LRP1B: variants seen among roughly 807,000 people sequenced by gnomAD.
LRP1B encodes the protein low-density lipoprotein receptor-related protein 1B.
A neutral mutation model predicts 556.6 loss-of-function variants in LRP1B; 217 were observed. The ratio of observed to expected loss-of-function variants is 0.39; its 90% confidence interval spans 0.35 to 0.44. The LOEUF (loss-of-function observed/expected upper bound fraction) is 0.44, where lower values mean the gene tolerates loss of function less well. Among genes scored for constraint, LRP1B ranks in the 20% least tolerant of loss-of-function variants. The pLI is 1.00. For missense variants in LRP1B, 5,053 were observed against 5,620.8 expected (o/e 0.90, Z 3.23); for synonymous variants, 2,047 against 1,865.8 (o/e 1.10, Z -2.50).
chr2:140,299,992 C>T (rs1301555203), intron 83 of LRP1B, among the ~76,000 whole-genome samples: 1 of 151,712 alleles, frequency 6.6e-6, no homozygotes, highest in Non-Finnish European at 1.5e-5. Flanking sequence ...TAAAATGATA[C>T]AAGTGTGAAA....
intron 2 of LRP1B, among the ~76,000 whole-genome samples, chr2:141,501,116 AATG>A (rs1683695512): frequency 6.6e-6 from 1 of 152,176 alleles, no homozygotes; most frequent in African/African-American, 2.4e-5. Context: ...GTTGAACAAT[AATG>A]ATAATTCACT....
At chr2:140,341,629 T>A in intron 77 of LRP1B, among the ~76,000 whole-genome samples, 1 of 151,416 alleles carries the variant, frequency 6.6e-6, no homozygotes, top group Admixed American at 6.6e-5. Flanking sequence ...GAAGGGAAGA[T>A]AAAAAGTTGC....
chr2:141,985,517 G>GC (rs1553497907), intron 1 of LRP1B, among the ~76,000 whole-genome samples: 3 of 99,252 alleles, frequency 3.0e-5, no homozygotes, highest in Admixed American at 2.9e-4. Context: ...TTATTTTTTT[G>GC]GGGGGGGTAT....
At chr2:141,377,341 A>G (rs2104879753) in intron 3 of LRP1B, among the ~76,000 whole-genome samples, 1 of 152,330 alleles carries the variant, frequency 6.6e-6, no homozygotes, top group Non-Finnish European at 1.5e-5. Context: ...AATACATAGT[A>G]ACTTCCAATG....
intron 41 of LRP1B, among the ~76,000 whole-genome samples, chr2:140,610,888 C>T (rs890163132): frequency 4.6e-5 from 7 of 152,330 alleles, no homozygotes; most frequent in Admixed American, 2.6e-4. Context: ...TCTGTATTTT[C>T]GTTCCCTTGT....
intron 18 of LRP1B, among the ~76,000 whole-genome samples, chr2:140,970,020 G>A (rs1696363958): frequency 6.6e-6 from 1 of 152,222 alleles, no homozygotes; most frequent in South Asian, 2.1e-4. Flanking sequence ...CTCTTCTCAA[G>A]GACCATCTTT....
At chr2:142,104,178 G>A (rs1706667184) in intron 1 of LRP1B, among the ~76,000 whole-genome samples, 1 of 152,078 alleles carries the variant, frequency 6.6e-6, no homozygotes. Flanking sequence ...ATTACCAAAT[G>A]AGAAGTTCAA....
rs996770207 is a variant in LRP1B at position 141,183,455 on chromosome 2, G to A, written c.1013+4966C>T. On this transcript the variant is annotated intron_variant, in intron 7 of 90. Coordinates refer to ENST00000389484, the MANE Select transcript of LRP1B (RefSeq NM_018557.3). ...CTTCAACAGGTGGGTGATGGGAAAG[G>A]GTTTTTTAAACTCTTCAATACTGTC... Among the ~76,000 whole-genome samples, 8 of 151,478 alleles carry A rather than the reference G, an allele frequency of 5.3e-5. No homozygotes were observed. The South Asian group carries it at 1.7e-3, about 32-fold the overall frequency.
chr2:140,910,602 A>T (rs1272121650), intron 21 of LRP1B, among the ~76,000 whole-genome samples: 1 of 151,870 alleles, frequency 6.6e-6, no homozygotes, highest in Non-Finnish European at 1.5e-5. Context: ...GCATATTTTT[A>T]AAAAATACAA....
chr2:140,630,160 C>A (rs1487128459), intron 41 of LRP1B, among the ~76,000 whole-genome samples: 1 of 152,134 alleles, frequency 6.6e-6, no homozygotes, highest in African/African-American at 2.4e-5. Flanking sequence ...AGGCCCTACC[C>A]CAGACCTACT....
intron 3 of LRP1B, among the ~76,000 whole-genome samples, chr2:141,306,182 C>T (rs1264718952): frequency 7.7e-6 from 1 of 130,606 alleles, no homozygotes; most frequent in Non-Finnish European, 1.6e-5. Flanking sequence ...TTAAAATTAC[C>T]TACTCTTCAA....
At chr2:142,033,255 T>G (rs1189208626) in intron 1 of LRP1B, among the ~76,000 whole-genome samples, 54 of 151,910 alleles carry the variant, frequency 3.6e-4, no homozygotes. Flanking sequence ...AATACAATAT[T>G]TATAGGATTG....
chr2:140,821,394 T>C (rs1691324356), intron 31 of LRP1B, among the ~76,000 whole-genome samples: 1 of 152,200 alleles, frequency 6.6e-6, no homozygotes, highest in Non-Finnish European at 1.5e-5. Flanking sequence ...TTGTAACCTG[T>C]TTGTAACATT....
chr2:141,707,929 C>A (rs1692205548), intron 2 of LRP1B, among the ~76,000 whole-genome samples: 1 of 152,086 alleles, frequency 6.6e-6, no homozygotes, highest in Non-Finnish European at 1.5e-5. Context: ...AACTGGAAAT[C>A]TTCTAACGTT....
intron 7 of LRP1B, among the ~76,000 whole-genome samples, chr2:141,090,406 ACTT>A (rs1473851238): frequency 1.3e-5 from 2 of 152,176 alleles, no homozygotes; most frequent in African/African-American, 4.8e-5. Context: ...ATAAAATTGA[ACTT>A]CTTATAAAAC....
chr2:141,223,372 C>G (rs1683119218), intron 6 of LRP1B, among the ~76,000 whole-genome samples: 2 of 151,788 alleles, frequency 1.3e-5, no homozygotes, highest in Admixed American at 1.3e-4. Context: ...AACAACTGAT[C>G]AAAGAAAGAA....
At chr2:140,804,441 T>A (rs1308773413) in intron 32 of LRP1B, among the ~76,000 whole-genome samples, 1 of 151,818 alleles carries the variant, frequency 6.6e-6, no homozygotes, top group Non-Finnish European at 1.5e-5. Context: ...TTTAAATTTT[T>A]CTCTTATTTA....
intron 35 of LRP1B, among the ~76,000 whole-genome samples, chr2:140,718,973 T>C (rs534665202): frequency 6.6e-6 from 1 of 152,142 alleles, no homozygotes. Flanking sequence ...TCTTTTACCA[T>C]GCTCTATTCT....
chr2:140,716,913 A>G (rs1687233035), intron 35 of LRP1B, 97 bp from the exon 36 acceptor site: 1 of 572,550 alleles, frequency 1.7e-6, no homozygotes, highest in Non-Finnish European at 2.9e-6. Context: ...CTTTTAGGAT[A>G]TCATCCTGGG....
Sources: gnomAD v4.1 joint callset for allele counts (sites outside exome capture counted in the v4.1 genomes callset) on GRCh38, gnomAD v4.1.1 for gene constraint, MANE v1.5 for transcripts, NCBI Gene and HGNC (gene_info 2026-07-23, HGNC 2026-07-21) for gene names.